CNTD1: variants seen among roughly 807,000 people sequenced by gnomAD.
CNTD1 encodes cyclin N-terminal domain containing 1, also known as cyclin N-terminal domain-containing protein 1.
Under a neutral mutation model 36.3 loss-of-function variants are expected in CNTD1, and 17 were observed. That is an observed-to-expected ratio of 0.47 (90% CI 0.32 to 0.70). CNTD1 has a LOEUF of 0.70. Ranked by LOEUF, CNTD1 falls within the 30% of genes least tolerant of loss-of-function variation. The pLI is 0.03. For synonymous variants in CNTD1, 128 were observed against 153.3 expected (o/e 0.83, Z 1.22); for missense variants, 338 against 386.1 (o/e 0.88, Z 1.04).
intron 6 of CNTD1, among the ~76,000 whole-genome samples, chr17:42,808,490 G>A (rs1324672690): frequency 2.0e-5 from 3 of 150,374 alleles, no homozygotes; most frequent in Non-Finnish European, 3.0e-5. Context: ...GGTAGAGGTT[G>A]CAGTGAGCCA....
At position 42,808,732 on chromosome 17, in the gene CNTD1, T is replaced by TCAAA. The variant is rs1390580200; in HGVS notation, c.823-620_823-617dup. ...CTGGGCGACAGAGTGAAACCCTGTC[T>TCAAA]CAAACAAACAAACAAAACAACAACA... On this transcript the variant is annotated intron_variant, in intron 6 of 6. Transcript: ENST00000588408. 2.0e-5 allele frequency among the ~76,000 whole-genome samples: 3 copies of TCAAA among 149,122 alleles called. No homozygotes were observed. In the South Asian group the frequency reaches 6.4e-4, roughly 32 times the overall value.
chr17:42,806,803 C>T lies in CNTD1; in HGVS notation c.710C>T (p.Pro237Leu), dbSNP rs3178451. ...AGGGCTTCAATTGAGAACTCCACTC[C>T]CAGTCAGCTGCAAGGGTAAGACAAC... ...LLRASIENST[P>L]SQLQGEKFTS... Residue 237 changes from proline (P) to leucine (L), a missense_variant, in exon 5 of 7, where the codon CCC becomes CTC. Pro to Leu is a moderately conservative substitution (Grantham distance 98). Transcript: ENST00000588408. The T allele has an allele frequency of 6.2e-7, 1 of 1,614,086 alleles. No individual in the cohort carries two copies. The highest frequency in any genetic ancestry group is 1.3e-5 in the African/African-American group (1 of 75,028).
chr17:42,809,612 G>A lies in CNTD1; in HGVS notation c.*77G>A. On this transcript the variant is annotated 3_prime_UTR_variant, in exon 7 of 7. Transcript: ENST00000588408. The stretch of plus-strand genomic sequence containing the variant: ...CTCCCTCTGTTTACTTTCATACTAA[G>A]GGTACAAAAATTCCAAGTCTCTTTT... The A allele has an allele frequency of 7.5e-7, 1 of 1,342,256 alleles. No individual in the cohort carries two copies. The highest frequency in any genetic ancestry group is 2.4e-5 in the East Asian group (1 of 41,658). The allele number at this position is 1,342,256 out of a possible 1,614,324, so 83.1% of individuals were successfully genotyped here. A position where few individuals can be genotyped will look rare whatever the true frequency, so the allele number is the denominator to read the frequency against.
intron 2 of CNTD1, among the ~76,000 whole-genome samples, 159 bp from the exon 3 acceptor site, chr17:42,804,066 T>C (rs2054837460): frequency 6.6e-6 from 1 of 152,108 alleles, no homozygotes. Flanking sequence ...CTTGAACTCC[T>C]GGGCTCAAGT....
intron 1 of CNTD1, among the ~76,000 whole-genome samples, chr17:42,801,203 AC>A (rs200137954): frequency 0.021 from 3,079 of 148,552 alleles, 129 homozygotes; most frequent in African/African-American, 0.072. Context: ...AAAAAAAACA[AC>A]AACAAAAAAA....
rs2054864920 is a variant in CNTD1 at position 42,805,535 on chromosome 17, A to G, written c.418-187A>G. ...AAACAGCCTGTGTAGTGGCTTGGAG[A>G]GGGACAGCATGGTGGGTTTGGGAAC... On this transcript the variant is annotated intron_variant, in intron 3 of 6. Transcript: ENST00000588408. The G allele has an allele frequency of 8.5e-6, 4 of 472,150 alleles. No individual in the cohort carries two copies. The South Asian group carries it at 1.0e-4, about 12-fold the overall frequency. The allele number at this position is 472,150 out of a possible 1,614,324, so 29.2% of individuals were successfully genotyped here.
chr17:42,800,177 C>G (rs185408745), intron 1 of CNTD1, among the ~76,000 whole-genome samples: 6 of 151,314 alleles, frequency 4.0e-5, no homozygotes, highest in African/African-American at 1.5e-4. Context: ...TATGCAATGA[C>G]TAGGTACTAT....
At chr17:42,801,946 A>T (rs1046428608) in intron 1 of CNTD1, among the ~76,000 whole-genome samples, 8 of 152,170 alleles carry the variant, frequency 5.3e-5, no homozygotes, top group African/African-American at 1.4e-4. Flanking sequence ...CTTTAGGGAT[A>T]TCAACAGAAC....
chr17:42,811,001 C>CATGG lies in CNTD1; in HGVS notation c.*1467_*1470dup. The CATGG allele has an allele frequency of 4.3e-6, 6 of 1,394,822 alleles. No individual in the cohort carries two copies. Among genetic ancestry groups the CATGG allele is most frequent in the Non-Finnish European group, 5.8e-6 (6 of 1,036,012 alleles). The allele number at this position is 1,394,822 out of a possible 1,614,324, so 86.4% of individuals were successfully genotyped here. A position where few individuals can be genotyped will look rare whatever the true frequency, so the allele number is the denominator to read the frequency against. On this transcript the variant is annotated 3_prime_UTR_variant, in exon 7 of 7. Transcript: ENST00000588408. Reference sequence around the variant, plus strand: ...AGTAAGTTCGGGGCAGGGACTTGATCATGGGACCATTCACGTCATTTTATC... The same window carrying CATGG: ...AGTAAGTTCGGGGCAGGGACTTGATCATGGATGGGACCATTCACGTCATTTTATC...
In CNTD1 at chr17:42,804,309, G is replaced by A. The variant is rs371057489; in HGVS notation, c.330G>A (p.Arg110=). ...ATAAGAGAGAGTCTCAGAATTGGAG[G>A]GCTCTGAAACAGCAGCTTGTCAACA... is the stretch of plus-strand genomic sequence containing the variant. ...RDNKRESQNW[R]ALKQQLVNKF... The change falls in exon 3 of 7, where the codon AGG becomes AGA. Residue 110 remains arginine (R), a synonymous_variant. Transcript: ENST00000588408. The A allele has an allele frequency of 1.2e-6, 2 of 1,613,952 alleles. No homozygotes were observed. Among genetic ancestry groups the A allele is most frequent in the Non-Finnish European group, 1.7e-6 (2 of 1,179,924 alleles).
intron 1 of CNTD1, among the ~76,000 whole-genome samples, chr17:42,800,584 G>A (rs898527469): frequency 2.6e-5 from 4 of 152,174 alleles, no homozygotes; most frequent in African/African-American, 9.7e-5. Flanking sequence ...TTAAATAAGG[G>A]AGTGAAGGTT....
At position 42,806,652 on chromosome 17, in the gene CNTD1, A is replaced by G. The variant is rs756430138; in HGVS notation, c.581-22A>G. 5 of 1,611,878 alleles carry G rather than the reference A, an allele frequency of 3.1e-6. No homozygotes were observed. The African/African-American group carries it at 6.7e-5, about 22-fold the overall frequency. ...GAAGACATGATCATAAATTCTCCCTATCATTCCCATACTCCATCTAGGATA... is the reference window on the plus strand; with the variant it reads ...GAAGACATGATCATAAATTCTCCCTGTCATTCCCATACTCCATCTAGGATA... On this transcript the variant is annotated intron_variant, in intron 4 of 6. Transcript: ENST00000588408.
intron 4 of CNTD1, among the ~76,000 whole-genome samples, chr17:42,806,402 C>T (rs976195816): frequency 6.6e-6 from 1 of 152,088 alleles, no homozygotes; most frequent in Non-Finnish European, 1.5e-5. Context: ...TCACTAGGCA[C>T]TCTTATTGCA....
At chr17:42,801,510 A>AAAAATATAT (rs1289580717) in intron 1 of CNTD1, among the ~76,000 whole-genome samples, 4 of 54,352 alleles carry the variant, frequency 7.4e-5, no homozygotes, top group Non-Finnish European at 1.2e-4. Context: ...AAAAAAAAAA[A>AAAAATATAT]ATATATATAT....
rs1291645410 is a variant in CNTD1, at chr17:42,810,923, T to C, written c.*1388T>C. Reference sequence around the variant, plus strand: ...GTCTTCAATCTTGCCTTTCTCCACATCCATCCTGCAGATGGACAGAGCAAA... The same window carrying C: ...GTCTTCAATCTTGCCTTTCTCCACACCCATCCTGCAGATGGACAGAGCAAA... On this transcript the variant is annotated 3_prime_UTR_variant, in exon 7 of 7. Coordinates refer to ENST00000588408, the MANE Select transcript of CNTD1 (RefSeq NM_173478.3). The C allele has an allele frequency of 1.9e-6, 3 of 1,607,800 alleles. No homozygotes were observed. Among genetic ancestry groups the C allele is most frequent in the Non-Finnish European group, 2.5e-6 (3 of 1,177,322 alleles).
rs757299860 is a variant in CNTD1, at chr17:42,809,391, T to C, written c.849T>C (p.Thr283=). Residue 283 remains threonine (T), a synonymous_variant, in exon 7 of 7, where the codon ACT becomes ACC. Transcript: ENST00000588408. ...SQVVGHLQSI[T]GIALASIAEF... ...TTGTGGGGCATTTGCAGAGCATCAC[T>C]GGTATTGCCTTGGCAAGCATTGCTG... 3 of 1,613,808 alleles carry C rather than the reference T, an allele frequency of 1.9e-6. No individual in the cohort carries two copies. The African/African-American group carries it at 4.0e-5, about 22-fold the overall frequency.
At position 42,798,993 on chromosome 17, in the gene CNTD1, A is replaced by G. The variant is rs1023478580; in HGVS notation, c.-75A>G. The G allele has an allele frequency of 1.9e-6, 3 of 1,554,038 alleles. No homozygotes were observed. The highest frequency in any genetic ancestry group is 2.0e-5 in the Admixed American group (1 of 49,824). On this transcript the variant is annotated 5_prime_UTR_variant, in exon 1 of 7. Transcript: ENST00000588408. ...GACGAGGAATCCAGGGTGTGGCAGA[A>G]GACTGGAGAGGAGCTAAGGGGGTCG...
chr17:42,806,855 A>G, intron 5 of CNTD1, 37 bp downstream of exon 5: 2 of 1,605,100 alleles, frequency 1.2e-6, no homozygotes, highest in Non-Finnish European at 1.7e-6. Flanking sequence ...CCTTCCAGGA[A>G]CAGGGAAGGG....
chr17:42,807,135 C>T lies in CNTD1; in HGVS notation c.725+317C>T, dbSNP rs191458606. Among the ~76,000 whole-genome samples, 31 of 152,132 alleles carry T rather than the reference C, an allele frequency of 2.0e-4. No individual in the cohort carries two copies. In the East Asian group the frequency reaches 4.4e-3, roughly 22 times the overall value. ...TCAGTCATTTAGAAAAAAAAACAGTCGCCGGCGCGGTGGCTCATGCCTGTA... is the reference window on the plus strand; with the variant it reads ...TCAGTCATTTAGAAAAAAAAACAGTTGCCGGCGCGGTGGCTCATGCCTGTA... On this transcript the variant is annotated intron_variant, in intron 5 of 6. Coordinates refer to ENST00000588408, the MANE Select transcript of CNTD1 (RefSeq NM_173478.3).
Sources: allele counts gnomAD v4.1 joint callset (sites outside exome capture counted in the v4.1 genomes callset), GRCh38; gene constraint gnomAD v4.1.1; transcripts MANE v1.5; gene names NCBI Gene and HGNC (gene_info 2026-07-23, HGNC 2026-07-21).